MDGA2: variants seen among roughly 807,000 people sequenced by gnomAD.
MDGA2 encodes the protein MAM domain-containing glycosylphosphatidylinositol anchor protein 2.
Under a neutral mutation model 117.8 loss-of-function variants are expected in MDGA2, and 40 were observed. The observed-to-expected ratio is 0.34, with a 90% CI of 0.26 to 0.44. The LOEUF is 0.44. MDGA2 is among the 20% of genes least tolerant of loss of function. MDGA2 has a pLI of 1.00. For synonymous variants in MDGA2, 452 were observed against 439.0 expected, an observed-to-expected ratio of 1.03 and a Z score of -0.37; for missense variants, 1,123 against 1,250.6, an observed-to-expected ratio of 0.90 and a Z score of 1.54.
At chr14:47,452,613 G>A (rs1050515409) in intron 1 of MDGA2, among the ~76,000 whole-genome samples, 2 of 134,012 alleles carry the variant, frequency 1.5e-5, no homozygotes, top group African/African-American at 5.6e-5. Context: ...TTATCATACT[G>A]CAACAGAAAT....
At chr14:47,055,582 G>C (rs1486678976) in intron 7 of MDGA2, among the ~76,000 whole-genome samples, 2 of 152,108 alleles carry the variant, frequency 1.3e-5, no homozygotes, top group East Asian at 1.9e-4. Flanking sequence ...TGTTTGTATA[G>C]ACAAGTAACG....
At chr14:47,205,604 CATAA>C (rs1885655568) in intron 3 of MDGA2, among the ~76,000 whole-genome samples, 1 of 151,832 alleles carries the variant, frequency 6.6e-6, no homozygotes, top group African/African-American at 2.4e-5. Context: ...AAAAAAAGTT[CATAA>C]ATAATCTAAA....
Position 46,855,356 on chromosome 14 carries a change from G to C in MDGA2, c.2753-202C>G, listed in dbSNP as rs1367362071. ...AAAGTAACCATCTCCTAATTCCCTA[G>C]AACATGTGCATGTTGCCTGATATTG... On this transcript the variant is annotated intron_variant, in intron 14 of 16. Coordinates refer to ENST00000399232, the MANE Select transcript of MDGA2 (RefSeq NM_001113498.3). The surrounding 1 kb of genome is among the most constrained non-coding windows in gnomAD (Gnocchi z 4.1). Among the ~76,000 whole-genome samples, 1 of 152,062 alleles carries C rather than the reference G, an allele frequency of 6.6e-6. No individual in the cohort carries two copies. The highest frequency in any genetic ancestry group is 2.4e-5 in the African/African-American group (1 of 41,402).
At chr14:47,495,331 A>G (rs532300495) in intron 1 of MDGA2, among the ~76,000 whole-genome samples, 2 of 152,106 alleles carry the variant, frequency 1.3e-5, no homozygotes, top group Non-Finnish European at 2.9e-5. Context: ...TACAATGTAC[A>G]CTATTTGTGT....
intron 1 of MDGA2, among the ~76,000 whole-genome samples, chr14:47,631,387 C>A (rs7155700): frequency 0.29 from 44,776 of 152,032 alleles, 7,155 homozygotes; most frequent in South Asian, 0.46. Context: ...TTCCAGGAAC[C>A]TCCCTAAATA....
chr14:47,570,453 T>C (rs569526742), intron 1 of MDGA2, among the ~76,000 whole-genome samples: 1 of 152,280 alleles, frequency 6.6e-6, no homozygotes, highest in South Asian at 2.1e-4. Flanking sequence ...ATGTGCAAAA[T>C]GAGGATAATA....
Position 47,218,411 on chromosome 14 carries a change from T to C in MDGA2, c.421-216A>G, listed in dbSNP as rs186623060. On this transcript the variant is annotated intron_variant, in intron 2 of 16. Coordinates refer to ENST00000399232, the MANE Select transcript of MDGA2 (RefSeq NM_001113498.3). ...ACAGTGTGTGTAATTTGAATTCAAT[T>C]GCATAGAATTCATCAATTGCCTAGT... is the stretch of plus-strand genomic sequence containing the variant. Among the ~76,000 whole-genome samples, 12 of 152,300 alleles carry C rather than the reference T, an allele frequency of 7.9e-5. No homozygotes were observed. In the East Asian group the frequency reaches 2.3e-3, roughly 29 times the overall value.
rs1491224714 is a variant in MDGA2 at position 46,841,626 on chromosome 14, C to CTTTTTTTT, written c.*304_*305insAAAAAAAA. 1 of 134,194 alleles carries CTTTTTTTT rather than the reference C, an allele frequency of 7.5e-6. No homozygotes were observed. The highest frequency in any genetic ancestry group is 1.6e-5 in the Non-Finnish European group (1 of 63,454). The allele number at this position is 134,194 out of a possible 1,614,324, so 8.3% of individuals were successfully genotyped here. A position where few individuals can be genotyped will look rare whatever the true frequency, so the allele number is the denominator to read the frequency against. ...ATAGCTCTTTTTTTTTTCTTTTTTTCATTTTTTTTTTTTTTTCCAGAGTTC... is the reference window on the plus strand; with the variant it reads ...ATAGCTCTTTTTTTTTTCTTTTTTTCTTTTTTTTATTTTTTTTTTTTTTTCCAGAGTTC... On this transcript the variant is annotated 3_prime_UTR_variant, in exon 17 of 17. Coordinates refer to ENST00000399232, the MANE Select transcript of MDGA2 (RefSeq NM_001113498.3).
chr14:47,572,419 T>C (rs750490162), intron 1 of MDGA2, among the ~76,000 whole-genome samples: 91 of 152,204 alleles, frequency 6.0e-4, no homozygotes, highest in Non-Finnish European at 1.2e-3. Flanking sequence ...TTATTAATTA[T>C]AACAATTGCT....
intron 3 of MDGA2, among the ~76,000 whole-genome samples, chr14:47,167,768 T>C (rs972430595): frequency 5.3e-5 from 8 of 152,206 alleles, no homozygotes; most frequent in Non-Finnish European, 1.0e-4. Flanking sequence ...TGAGTGGTTA[T>C]ATGAACAAAA....
chr14:47,059,220 G>C, intron 7 of MDGA2: 1 of 932,704 alleles, frequency 1.1e-6, no homozygotes, highest in Non-Finnish European at 1.5e-6. Flanking sequence ...TATTGTTTCG[G>C]CTATTGAGAT....
At chr14:47,017,433 T>C (rs10484195) in intron 8 of MDGA2, among the ~76,000 whole-genome samples, 37,444 of 151,814 alleles carry the variant, frequency 0.25, 4,843 homozygotes, top group African/African-American at 0.27. Flanking sequence ...ATAAAATACA[T>C]TCCAATTCTA....
chr14:47,455,673 G>C (rs538395286), intron 1 of MDGA2, among the ~76,000 whole-genome samples: 1 of 152,140 alleles, frequency 6.6e-6, no homozygotes, highest in Non-Finnish European at 1.5e-5. Context: ...ATACTTATGA[G>C]TGAATGTAAA....
intron 8 of MDGA2, among the ~76,000 whole-genome samples, chr14:47,024,395 A>G (rs1240537515): frequency 6.6e-6 from 1 of 152,216 alleles, no homozygotes; most frequent in Non-Finnish European, 1.5e-5. Flanking sequence ...ATGGGCACAA[A>G]GAAACAGAAT....
Position 47,403,856 on chromosome 14 carries a change from C to A in MDGA2, c.281-102306G>T, listed in dbSNP as rs561750957. Among the ~76,000 whole-genome samples the A allele has an allele frequency of 6.0e-4, 91 of 152,262 alleles. 1 individual carries two copies. Among genetic ancestry groups the A allele is most frequent in the African/African-American group, 2.1e-3 (86 of 41,550 alleles). Reference sequence around the variant, plus strand: ...ATCTGATTTTCCTCTGAAGCCCACTCTATACCCAGAGAAAAGGGATGTCCT... The same window carrying A: ...ATCTGATTTTCCTCTGAAGCCCACTATATACCCAGAGAAAAGGGATGTCCT... On this transcript the variant is annotated intron_variant, in intron 1 of 16. Coordinates refer to ENST00000399232, the MANE Select transcript of MDGA2 (RefSeq NM_001113498.3).
chr14:47,148,147 C>G (rs1454036736), intron 3 of MDGA2, among the ~76,000 whole-genome samples: 1 of 152,144 alleles, frequency 6.6e-6, no homozygotes, highest in Admixed American at 6.6e-5. Flanking sequence ...CTTCCTGACA[C>G]AGAAGCCTAA....
At chr14:47,076,229 G>A (rs192382945) in intron 6 of MDGA2, among the ~76,000 whole-genome samples, 279 of 151,852 alleles carry the variant, frequency 1.8e-3, no homozygotes, top group Non-Finnish European at 3.2e-3. Flanking sequence ...CAGATGAACT[G>A]TCTTTCCAAA....
intron 1 of MDGA2, among the ~76,000 whole-genome samples, chr14:47,584,937 T>A (rs191518522): frequency 6.6e-6 from 1 of 151,944 alleles, no homozygotes; most frequent in East Asian, 1.9e-4. Context: ...CATTTATTCA[T>A]ATCAGGATGA....
At chr14:47,495,493 C>T (rs1397120923) in intron 1 of MDGA2, among the ~76,000 whole-genome samples, 2 of 152,044 alleles carry the variant, frequency 1.3e-5, no homozygotes, top group Non-Finnish European at 2.9e-5. Context: ...TTATAATTCC[C>T]CCACAGGTAA....
Sources: gnomAD v4.1 joint callset for allele counts (sites outside exome capture counted in the v4.1 genomes callset) on GRCh38, gnomAD v4.1.1 for gene constraint, Gnocchi (gnomAD v3.1) non-coding constraint, MANE v1.5 for transcripts, NCBI Gene and HGNC (gene_info 2026-07-23, HGNC 2026-07-21) for gene names.